PKLR: variants seen among roughly 807,000 people sequenced by gnomAD.
The protein encoded by PKLR is pyruvate kinase L/R, also known as pyruvate kinase PKLR.
In PKLR, 38 loss-of-function variants were observed where a neutral mutation model predicts 53.6. The observed-to-expected ratio is 0.71, with a 90% confidence interval of 0.55 to 0.93. PKLR has a LOEUF of 0.93. Among genes scored for constraint, PKLR ranks in the 40% least tolerant of loss-of-function variants. The pLI is 0.00. For missense variants in PKLR, 702 were observed against 787.3 expected (o/e 0.89, Z 1.30); for synonymous variants, 328 against 316.2 (o/e 1.04, Z -0.39).
chr1:155,294,327 T>A lies in PKLR; in HGVS notation c.1024A>T (p.Ile342Phe). 8 of 1,614,068 alleles carry A rather than the reference T, an allele frequency of 5.0e-6. No homozygotes were observed. Among genetic ancestry groups the A allele is most frequent in the Non-Finnish European group, 6.8e-6 (8 of 1,179,982 alleles). Reference protein sequence around the residue: ...GIMVARGDLGIEIPAEKVFLA... With the variant: ...GIMVARGDLGFEIPAEKVFLA... ...AAAACCTTCTCTGCTGGGATCTCGA[T>A]GCCTAGGTCCCCCCGTGCCACCATG... Residue 342 changes from isoleucine to phenylalanine, a missense_variant, in exon 7 of 11, where the codon ATC becomes TTC. Coordinates refer to ENST00000342741, the MANE Select transcript of PKLR (RefSeq NM_000298.6).
Position 155,293,436 on chromosome 1 carries a change from A to G in PKLR, c.1269+2T>C. The G allele has an allele frequency of 6.2e-7, 1 of 1,614,218 alleles. No individual in the cohort carries two copies. Among genetic ancestry groups the G allele is most frequent in the Non-Finnish European group, 8.5e-7 (1 of 1,180,046 alleles). Reference sequence around the variant, plus strand: ...CATTTGCTTTTCATTCTGAGCTCCTACCGCATGCTGCATCTTCACCGCTTC... The same window carrying G: ...CATTTGCTTTTCATTCTGAGCTCCTGCCGCATGCTGCATCTTCACCGCTTC... On this transcript the variant is annotated splice_donor_variant, in intron 8 of 10. Coordinates refer to ENST00000342741, the MANE Select transcript of PKLR (RefSeq NM_000298.6). LOFTEE classifies it high-confidence loss of function. This position sits in a 1 kb window ranked among gnomAD's most constrained non-coding sequence, Gnocchi z 4.2.
chr1:155,301,045 G>T, intron 1 of PKLR: 1 of 1,542,968 alleles, frequency 6.5e-7, no homozygotes, highest in South Asian at 1.2e-5. Flanking sequence ...GTATGCCAGG[G>T]GCCAGAGTCC....
intron 2 of PKLR, among the ~76,000 whole-genome samples, chr1:155,298,952 T>A (rs554472866): frequency 1.9e-4 from 28 of 149,740 alleles, no homozygotes; most frequent in African/African-American, 6.8e-4. Context: ...CAACTTTCAC[T>A]CCTTTCTTTC....
intron 2 of PKLR, among the ~76,000 whole-genome samples, chr1:155,298,035 C>T (rs1050301909): frequency 1.3e-5 from 2 of 152,066 alleles, no homozygotes; most frequent in Non-Finnish European, 2.9e-5. Flanking sequence ...AAAACTTTCA[C>T]TTTTTCTTTC....
intron 10 of PKLR, among the ~76,000 whole-genome samples, chr1:155,291,095 G>A (rs568590432): frequency 2.0e-5 from 3 of 151,806 alleles, no homozygotes; most frequent in African/African-American, 4.8e-5. Context: ...GCCCTGTAAC[G>A]AGAACCAGCC....
At chr1:155,299,791 C>T (rs1647880751) in intron 2 of PKLR, among the ~76,000 whole-genome samples, 1 of 152,124 alleles carries the variant, frequency 6.6e-6, no homozygotes, top group Non-Finnish European at 1.5e-5. Context: ...CAGGCATGAG[C>T]CACCATGCCC....
At chr1:155,298,966 C>T in intron 2 of PKLR, among the ~76,000 whole-genome samples, 2 of 59,448 alleles carry the variant, frequency 3.4e-5, no homozygotes, top group African/African-American at 2.0e-4. Context: ...TTCTTTCTTT[C>T]TTTCTTTCTT....
At chr1:155,299,949 A>C in intron 2 of PKLR, 149 bp downstream of exon 2, 4 of 773,658 alleles carry the variant, frequency 5.2e-6, no homozygotes, top group Non-Finnish European at 8.6e-6. Context: ...CCAGGGCCCA[A>C]AATCTTGTCT....
chr1:155,294,430 A>C (rs754970776), intron 6 of PKLR, 45 bp from the exon 7 acceptor site: 1 of 1,614,192 alleles, frequency 6.2e-7, no homozygotes, highest in Non-Finnish European at 8.5e-7. Context: ...AGGAGAAGAA[A>C]GGTGATGGGG....
At chr1:155,305,510 A>T (rs1205707201), upstream of PKLR, among the ~76,000 whole-genome samples, 1 of 152,214 alleles carries the variant, frequency 6.6e-6, no homozygotes, top group Non-Finnish European at 1.5e-5. Flanking sequence ...TATATAGAAG[A>T]CACAACAAAT....
At chr1:155,297,888 C>T (rs1476149123) in intron 2 of PKLR, among the ~76,000 whole-genome samples, 2 of 152,058 alleles carry the variant, frequency 1.3e-5, no homozygotes, top group African/African-American at 4.8e-5. Flanking sequence ...ATGGCTAATT[C>T]TCTCATCTCC....
chr1:155,303,869 G>A (rs891240104), upstream of PKLR, among the ~76,000 whole-genome samples: 1 of 152,140 alleles, frequency 6.6e-6, no homozygotes, highest in Non-Finnish European at 1.5e-5. Flanking sequence ...GAAATTTGAA[G>A]GATGAGAAGG....
rs1220839136 is a variant in PKLR, at chr1:155,291,494, C to CA, written c.1618+261dup. Among the ~76,000 whole-genome samples the CA allele has an allele frequency of 4.3e-3, 599 of 138,430 alleles. 1 individual carries two copies. The highest frequency in any genetic ancestry group is 8.9e-3 in the African/African-American group (336 of 37,654). The allele number at this position is 138,430 out of a possible 152,430, so 90.8% of individuals were successfully genotyped here. On this transcript the variant is annotated intron_variant, in intron 10 of 10. Transcript: ENST00000342741. The stretch of plus-strand genomic sequence containing the variant: ...CTGGCGACAGAGCAAGACTCTCTCT[C>CA]AAAAAAAAAAAAAGGTGCAGGAGTA...
upstream of PKLR, among the ~76,000 whole-genome samples, chr1:155,302,717 G>A (rs1288954492): frequency 1.3e-5 from 2 of 151,570 alleles, no homozygotes; most frequent in Non-Finnish European, 2.9e-5. Context: ...CTGTCACCCT[G>A]GCTGGAGTGC....
chr1:155,300,932 C>A (rs758061395), intron 1 of PKLR: 7 of 1,600,784 alleles, frequency 4.4e-6, no homozygotes, highest in East Asian at 2.3e-5. Flanking sequence ...GGGTCTGCTC[C>A]ACACTGTTGG....
chr1:155,295,650 CG>C lies in PKLR; in HGVS notation c.375+14del. 6.2e-7 allele frequency: 1 copy of C among 1,613,978 alleles called. No homozygotes were observed. Among genetic ancestry groups the C allele is most frequent in the Non-Finnish European group, 8.5e-7 (1 of 1,179,914 alleles). ...TCCTCCTGCCCCACCCACTGCCCGG[CG>C]GCCCGTCCCGCACCTCGTGGGAGCC... is the stretch of plus-strand genomic sequence containing the variant. On this transcript the variant is annotated intron_variant, in intron 3 of 10. Transcript: ENST00000342741. The surrounding 1 kb of genome is among the most constrained non-coding windows in gnomAD (Gnocchi z 4.3).
rs1272792336 is a variant in PKLR at position 155,295,461 on chromosome 1, C to A, written c.483G>T (p.Glu161Asp). 2 of 1,608,656 alleles carry A rather than the reference C, an allele frequency of 1.2e-6. No homozygotes were observed. The highest frequency in any genetic ancestry group is 1.7e-6 in the Non-Finnish European group (2 of 1,177,774). The change falls in exon 4 of 11, where the codon GAG becomes GAT. Residue 161 changes from glutamate to aspartate, a missense_variant. Around this residue, in one of 2 missense-constraint regions of PKLR, gnomAD observed 519 missense variants for 537.1 expected, o/e 0.97. Transcript: ENST00000342741. This position sits in a 1 kb window ranked among gnomAD's most constrained non-coding sequence, Gnocchi z 4.3. ...VAIALDTKGPEIRTGILQGGP... is the reference protein window; with the variant it reads ...VAIALDTKGPDIRTGILQGGP... ...CCCCCTGCAGGATCCCAGTGCGGAT[C>A]TCCGGTCCCTTGGTGTCCAGGGCGA...
rs763951356 is a variant in PKLR at position 155,295,581 on chromosome 1, G to A, written c.376-13C>T. ...ACTCAGCATGGTACTGGGGGAGGGA[G>A]CGGAGCGAGGGTTTCAGGGGAAGGT... On this transcript the variant is annotated splice_polypyrimidine_tract_variant and intron_variant, in intron 3 of 10. Transcript: ENST00000342741. This position sits in a 1 kb window ranked among gnomAD's most constrained non-coding sequence, Gnocchi z 4.3. 4 of 1,614,104 alleles carry A rather than the reference G, an allele frequency of 2.5e-6. No individual in the cohort carries two copies. Among genetic ancestry groups the A allele is most frequent in the Non-Finnish European group, 3.4e-6 (4 of 1,179,996 alleles).
chr1:155,294,891 C>T, intron 5 of PKLR, 139 bp from the exon 6 acceptor site: 1 of 1,231,490 alleles, frequency 8.1e-7, no homozygotes, highest in South Asian at 1.3e-5. Flanking sequence ...CTGGGCTTCG[C>T]CCGGAAGAGG....
Sources: allele counts gnomAD v4.1 joint callset (sites outside exome capture counted in the v4.1 genomes callset), GRCh38; gene constraint gnomAD v4.1.1; regional missense constraint gnomAD v4.1.1; non-coding constraint Gnocchi (gnomAD v3.1); transcripts MANE v1.5; gene names NCBI Gene and HGNC (gene_info 2026-07-23, HGNC 2026-07-21).